The following MID2 variants were observed in gnomAD, a reference collection of about 807,000 sequenced individuals.
MID2 encodes probable E3 ubiquitin-protein ligase MID2.
Under a neutral mutation model 46.1 loss-of-function variants are expected in MID2, and 13 were observed. The observed-to-expected ratio is 0.28, with a 90% CI of 0.18 to 0.45. MID2 has a LOEUF of 0.45. Among genes scored for constraint, MID2 ranks in the 20% least tolerant of loss-of-function variants. MID2 has a pLI of 1.00. For synonymous variants in MID2, 199 were observed against 212.3 expected (o/e 0.94, Z 0.55); for missense variants, 431 against 575.4 (o/e 0.75, Z 2.57).
intron 1 of MID2, among the ~76,000 whole-genome samples, chrX:107,830,519 C>T (rs896076646): frequency 1.8e-5 from 2 of 112,079 alleles, no homozygotes; most frequent in African/African-American, 6.5e-5. Context: ...ATTGCATCAT[C>T]AAAATATGAG....
At chrX:107,892,846 C>A (rs1932632801) in intron 3 of MID2, among the ~76,000 whole-genome samples, 1 of 112,362 alleles carries the variant, frequency 8.9e-6, no homozygotes, top group African/African-American at 3.2e-5. Flanking sequence ...ATCTTATAAG[C>A]ACCCAAAGAT....
chrX:107,871,218 C>A (rs1932057617), intron 3 of MID2, among the ~76,000 whole-genome samples: 1 of 111,678 alleles, frequency 9.0e-6, no homozygotes, highest in African/African-American at 3.3e-5. Context: ...CAGAAAATTT[C>A]CCTGACCCCT....
intron 3 of MID2, among the ~76,000 whole-genome samples, chrX:107,896,580 ATAGAG>A (rs369432611): frequency 2.0e-4 from 22 of 112,606 alleles, no homozygotes; most frequent in East Asian, 5.5e-4. Context: ...TTAGTTAGAC[ATAGAG>A]TAAAGTACAT....
At chrX:107,836,963 A>G (rs1322011543) in intron 1 of MID2, among the ~76,000 whole-genome samples, 3 of 111,838 alleles carry the variant, frequency 2.7e-5, no homozygotes, top group Non-Finnish European at 5.6e-5. Context: ...TTTTCTTTCA[A>G]AGACTCTTGA....
chrX:107,916,126 A>G lies in MID2; in HGVS notation c.1198A>G (p.Thr400Ala). Residue 400 changes from threonine (T) to alanine (A), a missense_variant, in exon 6 of 10, where the codon ACA becomes GCA. Coordinates refer to ENST00000262843, the MANE Select transcript of MID2 (RefSeq NM_012216.4). The part of the protein sequence containing the change: ...KKLLEGLDYL[T>A]APNPPSIREE... ...ACTGCTAGAGGGGTTAGATTATTTA[A>G]CAGGTGTGAAAATACTGTGCTTTCC... is the stretch of plus-strand genomic sequence containing the variant. 1 of 1,178,619 alleles carries G rather than the reference A, an allele frequency of 8.5e-7. No individual in the cohort carries two copies. The highest frequency in any genetic ancestry group is 1.1e-6 in the Non-Finnish European group (1 of 881,758).
chrX:107,849,389 A>G (rs1931559947), intron 2 of MID2, among the ~76,000 whole-genome samples: 1 of 110,924 alleles, frequency 9.0e-6, no homozygotes, highest in Admixed American at 9.6e-5. Flanking sequence ...ACCTCGCTTT[A>G]ATAAAGAGGT....
chrX:107,878,982 T>C lies in MID2; in HGVS notation c.816+24278T>C, dbSNP rs1282686849. 3.6e-5 allele frequency among the ~76,000 whole-genome samples: 4 copies of C among 111,419 alleles called. No homozygotes were observed. The Admixed American group carries it at 3.8e-4, about 11-fold the overall frequency. On this transcript the variant is annotated intron_variant, in intron 3 of 9. Transcript: ENST00000262843. ...CTGGCAGGGATGGACTCCACTTGCT[T>C]GGTCCCACTGCCTTCCACCCATCAC...
intron 3 of MID2, among the ~76,000 whole-genome samples, chrX:107,864,161 G>A (rs1323115254): frequency 3.6e-5 from 4 of 112,213 alleles, no homozygotes; most frequent in Non-Finnish European, 5.6e-5. Flanking sequence ...TTTGTGCTCA[G>A]ATAGGTAGGA....
intron 3 of MID2, among the ~76,000 whole-genome samples, chrX:107,902,911 G>T (rs1449092972): frequency 9.0e-6 from 1 of 111,044 alleles, no homozygotes; most frequent in Non-Finnish European, 1.9e-5. Context: ...TCTGTGTGCT[G>T]CTGAAATGGA....
At chrX:107,869,327 T>A (rs1395471319) in intron 3 of MID2, among the ~76,000 whole-genome samples, 1 of 111,707 alleles carries the variant, frequency 9.0e-6, no homozygotes, top group African/African-American at 3.2e-5. Flanking sequence ...TTCTGTTCCA[T>A]TGATTTAATT....
At chrX:107,924,623 T>A in intron 8 of MID2, 119 bp downstream of exon 8, 1 of 763,407 alleles carries the variant, frequency 1.3e-6, no homozygotes, top group South Asian at 2.9e-5. Flanking sequence ...GTAGAGGAGC[T>A]ATACTGTTGT....
Position 107,826,236 on chromosome X carries a change from G to A in MID2, c.-191G>A, listed in dbSNP as rs1183563201. ...GGGGCGCGCGGGCTGGCGGATCCCG[G>A]CTGCTGCGCGGCGTCGGCGACGGTA... On this transcript the variant is annotated 5_prime_UTR_variant, in exon 1 of 10. Coordinates refer to ENST00000262843, the MANE Select transcript of MID2 (RefSeq NM_012216.4). The A allele has an allele frequency of 1.6e-5, 6 of 371,973 alleles. No homozygotes were observed. The highest frequency in any genetic ancestry group is 2.0e-5 in the Non-Finnish European group (5 of 246,856). 30.7% of individuals were successfully genotyped at this position (371,973 alleles called of 1,213,427 possible). A position where few individuals can be genotyped will look rare whatever the true frequency, so the allele number is the denominator to read the frequency against.
intron 9 of MID2, 128 bp downstream of exon 9, chrX:107,926,429 A>G: frequency 1.4e-6 from 1 of 695,201 alleles, no homozygotes; most frequent in South Asian, 3.1e-5. Context: ...AACCACTCCT[A>G]GAAAAATTTG....
At chrX:107,825,809 A>C, upstream of MID2, 1 of 205,532 alleles carries the variant, frequency 4.9e-6, no homozygotes, top group Non-Finnish European at 8.9e-6. Flanking sequence ...TGGTAGGTAC[A>C]GTAGTAACCC....
chrX:107,874,848 G>T (rs980330756), intron 3 of MID2, among the ~76,000 whole-genome samples: 1 of 111,351 alleles, frequency 9.0e-6, no homozygotes, highest in African/African-American at 3.3e-5. Flanking sequence ...CCAGTGCTCT[G>T]GTCCCCTCTG....
chrX:107,871,598 G>A (rs766186604), intron 3 of MID2, among the ~76,000 whole-genome samples: 7 of 111,377 alleles, frequency 6.3e-5, no homozygotes, highest in East Asian at 2.8e-4. Flanking sequence ...GAATGAGGTC[G>A]CATGAACAAA....
intron 3 of MID2, among the ~76,000 whole-genome samples, chrX:107,860,304 T>C (rs781092752): frequency 8.9e-6 from 1 of 112,052 alleles, no homozygotes; most frequent in Admixed American, 9.4e-5. Context: ...ACCAAATAGG[T>C]CTATGGCCTT....
intron 3 of MID2, among the ~76,000 whole-genome samples, chrX:107,860,285 G>A (rs1179193653): frequency 1.8e-5 from 2 of 112,047 alleles, no homozygotes; most frequent in African/African-American, 6.5e-5. Context: ...CAGGGTTCTG[G>A]TTTAGGTGAC....
At chrX:107,882,491 A>G (rs894584327) in intron 3 of MID2, among the ~76,000 whole-genome samples, 11 of 110,808 alleles carry the variant, frequency 9.9e-5, no homozygotes, top group African/African-American at 3.7e-4. Context: ...TCTACAGTGA[A>G]CTCAAATTTA....
Sources: gnomAD v4.1 joint callset for allele counts (sites outside exome capture counted in the v4.1 genomes callset) on GRCh38, gnomAD v4.1.1 for gene constraint, MANE v1.5 for transcripts, NCBI Gene and HGNC (gene_info 2026-07-23, HGNC 2026-07-21) for gene names.